Variants in C6orf118 observed in about 807,000 individuals in gnomAD.
The protein encoded by C6orf118 is chromosome 6 open reading frame 118, also known as uncharacterized protein C6orf118.
C6orf118 carries 50 observed loss-of-function variants against 50.2 expected under a neutral mutation model. That is an observed-to-expected ratio of 1.00 (90% CI 0.79 to 1.26). C6orf118 has a LOEUF of 1.26. Ranked by LOEUF, C6orf118 falls within the 50% of genes most tolerant of loss-of-function variation. The pLI, the probability that C6orf118 is intolerant of heterozygous loss-of-function variation, is 0.00. For synonymous variants in C6orf118, 239 were observed against 230.9 expected (o/e 1.03, Z -0.32); for missense variants, 641 against 578.7 (o/e 1.11, Z -1.10).
At position 165,309,552 on chromosome 6, in the gene C6orf118, G is replaced by T; in HGVS notation, c.25+10C>A. On this transcript the variant is annotated intron_variant, in intron 1 of 8. Coordinates refer to ENST00000230301, the MANE Select transcript of C6orf118 (RefSeq NM_144980.4). ...TCACAAGCCAGCAAGAGCCGCTCCA[G>T]GCCACTTACATTCAGGCTCCCGCTC... 1 of 1,614,176 alleles carries T rather than the reference G, an allele frequency of 6.2e-7. No homozygotes were observed.
chr6:165,293,774 CA>C (rs749669845), intron 5 of C6orf118, among the ~76,000 whole-genome samples: 1 of 150,814 alleles, frequency 6.6e-6, no homozygotes, highest in Non-Finnish European at 1.5e-5. Context: ...AGGAAGAAGG[CA>C]AAAAAAATTT....
At chr6:165,297,844 A>G (rs1023897748) in intron 5 of C6orf118, 133 bp downstream of exon 5, 3 of 1,298,106 alleles carry the variant, frequency 2.3e-6, no homozygotes, top group Non-Finnish European at 3.3e-6. Flanking sequence ...GCCAGATGAC[A>G]GGCATGATAT....
intron 1 of C6orf118, among the ~76,000 whole-genome samples, chr6:165,307,606 G>A (rs1381103847): frequency 6.6e-6 from 1 of 151,986 alleles, no homozygotes; most frequent in Non-Finnish European, 1.5e-5. Flanking sequence ...TCAGATCTCT[G>A]GGAAACTGAG....
At chr6:165,299,004 C>A (rs1445532744) in intron 4 of C6orf118, among the ~76,000 whole-genome samples, 1 of 152,014 alleles carries the variant, frequency 6.6e-6, no homozygotes, top group Admixed American at 6.6e-5. Flanking sequence ...CTTATTTGAC[C>A]AATCACATGT....
At position 165,280,066 on chromosome 6, in the gene C6orf118, G is replaced by A. The variant is rs199630099; in HGVS notation, c.1401C>T (p.Asn467=). Residue 467 remains asparagine (N), a synonymous_variant, in exon 9 of 9, where the codon AAC becomes AAT. Transcript: ENST00000230301. ...TTCAGCCACTTGAGCGTTATCTTCTGTTTCCTCTGATTTTACAAATTCCTT... is the reference window on the plus strand; with the variant it reads ...TTCAGCCACTTGAGCGTTATCTTCTATTTCCTCTGATTTTACAAATTCCTT... ...IYQGICKIRG[N]RR is the part of the protein sequence containing the mutation. 3 of 1,607,024 alleles carry A rather than the reference G, an allele frequency of 1.9e-6. No homozygotes were observed. The highest frequency in any genetic ancestry group is 2.5e-6 in the Non-Finnish European group (3 of 1,178,216).
chr6:165,297,293 C>T (rs1449533512), intron 5 of C6orf118, among the ~76,000 whole-genome samples: 1 of 151,482 alleles, frequency 6.6e-6, no homozygotes, highest in Non-Finnish European at 1.5e-5. Context: ...TGGTGGTACA[C>T]ACCTGTAATC....
At chr6:165,301,096 C>A (rs753061718) in intron 2 of C6orf118, among the ~76,000 whole-genome samples, 1 of 152,144 alleles carries the variant, frequency 6.6e-6, no homozygotes, top group Non-Finnish European at 1.5e-5. Flanking sequence ...TATGGGCCTC[C>A]CCCAGCTGAC....
At chr6:165,285,560 T>G (rs1012535621) in intron 7 of C6orf118, among the ~76,000 whole-genome samples, 1 of 151,450 alleles carries the variant, frequency 6.6e-6, no homozygotes, top group African/African-American at 2.4e-5. Flanking sequence ...AGTAAAACAC[T>G]CCTCAGCAAT....
At chr6:165,287,302 A>G (rs1779944206) in intron 7 of C6orf118, among the ~76,000 whole-genome samples, 1 of 152,228 alleles carries the variant, frequency 6.6e-6, no homozygotes, top group South Asian at 2.1e-4. Context: ...ATGGAAAAAC[A>G]TTCCATGCTC....
intron 7 of C6orf118, among the ~76,000 whole-genome samples, chr6:165,286,679 G>T (rs1779914792): frequency 6.6e-6 from 1 of 151,976 alleles, no homozygotes; most frequent in Admixed American, 6.6e-5. Context: ...AAAACCACAT[G>T]ATTATCTGAA....
At chr6:165,287,757 C>T (rs1211860705) in intron 7 of C6orf118, among the ~76,000 whole-genome samples, 4 of 151,996 alleles carry the variant, frequency 2.6e-5, no homozygotes, top group African/African-American at 9.7e-5. Context: ...CTGGACCCCT[C>T]CCTTACACCT....
chr6:165,295,148 A>G (rs1780246058), intron 5 of C6orf118, among the ~76,000 whole-genome samples: 1 of 151,962 alleles, frequency 6.6e-6, no homozygotes, highest in South Asian at 2.1e-4. Context: ...TCTTTTAAAT[A>G]TTTTTCTACT....
At chr6:165,296,625 G>A (rs578047363) in intron 5 of C6orf118, among the ~76,000 whole-genome samples, 8 of 152,146 alleles carry the variant, frequency 5.3e-5, no homozygotes, top group African/African-American at 7.2e-5. Flanking sequence ...CTTGGGTCCC[G>A]CTCTGGACCC....
rs1286205233 is a variant in C6orf118, at chr6:165,279,882, G to A, written c.*175C>T. Reference sequence around the variant, plus strand: ...TGCAACAGAAACTAATCATGTGTACGCATGTGTGTATTTCAGTATCCTGAG... The same window carrying A: ...TGCAACAGAAACTAATCATGTGTACACATGTGTGTATTTCAGTATCCTGAG... On this transcript the variant is annotated 3_prime_UTR_variant, in exon 9 of 9. Coordinates refer to ENST00000230301, the MANE Select transcript of C6orf118 (RefSeq NM_144980.4). 7.3e-6 allele frequency: 4 copies of A among 550,902 alleles called. No homozygotes were observed. The highest frequency in any genetic ancestry group is 6.5e-5 in the East Asian group (2 of 30,658). 34.1% of individuals were successfully genotyped at this position (550,902 alleles called of 1,614,324 possible).
chr6:165,292,273 T>C (rs866581949), intron 6 of C6orf118, among the ~76,000 whole-genome samples: 5 of 151,826 alleles, frequency 3.3e-5, no homozygotes, highest in Admixed American at 1.3e-4. Flanking sequence ...CCACAGCAAA[T>C]GTGTATGATT....
chr6:165,300,566 G>T, intron 2 of C6orf118, 80 bp from the exon 3 acceptor site: 1 of 1,405,736 alleles, frequency 7.1e-7, no homozygotes, highest in South Asian at 1.3e-5. Context: ...AGTCAGTGAG[G>T]ACACAGCTGC....
intron 7 of C6orf118, among the ~76,000 whole-genome samples, chr6:165,287,203 C>G (rs1411427354): frequency 1.3e-5 from 2 of 151,992 alleles, no homozygotes; most frequent in East Asian, 3.9e-4. Flanking sequence ...AACAAAATAT[C>G]TAGGAATATA....
rs752206157 is a variant in C6orf118, at chr6:165,301,842, T to A, written c.480A>T (p.Lys160Asn). The change falls in exon 2 of 9, where the codon AAA becomes AAT. Residue 160 changes from lysine to asparagine, a missense_variant. Physicochemically the swap from Lys to Asn is moderately conservative, Grantham distance 94. Transcript: ENST00000230301. ...EAVREGKEEK[K>N]GGPPGRGPPG... is the part of the protein sequence containing the mutation. ...GAGGGCCCCGTCCAGGAGGGCCTCC[T>A]TTCTTTTCTTCCTTCCCCTCTCTGA... 1 of 1,613,922 alleles carries A rather than the reference T, an allele frequency of 6.2e-7. No individual in the cohort carries two copies. Among genetic ancestry groups the A allele is most frequent in the South Asian group, 1.1e-5 (1 of 91,080 alleles).
Position 165,302,040 on chromosome 6 carries a change from C to G in C6orf118, c.282G>C (p.Val94=). The G allele has an allele frequency of 6.2e-7, 1 of 1,613,616 alleles. No homozygotes were observed. Residue 94 remains valine, a synonymous_variant, in exon 2 of 9, where the codon GTG becomes GTC. Transcript: ENST00000230301. The stretch of plus-strand genomic sequence containing the variant: ...CCACCTTCCCTGCGGGCGGCTCTCC[C>G]ACCTCAGAGGCGCGCTCCCCCTTGG... The part of the protein sequence containing the change: ...HRPKGERASE[V]GEPPAGKVAR...
Sources: gnomAD v4.1 joint callset for allele counts (sites outside exome capture counted in the v4.1 genomes callset) on GRCh38, gnomAD v4.1.1 for gene constraint, MANE v1.5 for transcripts, NCBI Gene and HGNC (gene_info 2026-07-23, HGNC 2026-07-21) for gene names.